The following STIM1 variants were observed in gnomAD, a reference collection of about 807,000 sequenced individuals.
STIM1 encodes stromal interaction molecule 1.
Under a neutral mutation model 74.7 loss-of-function variants are expected in STIM1, and 25 were observed. The ratio of observed to expected loss-of-function variants is 0.33; its 90% CI spans 0.24 to 0.47. The LOEUF (loss-of-function observed/expected upper bound fraction) is 0.47, where lower values mean the gene tolerates loss of function less well. STIM1 is among the 20% of genes least tolerant of loss of function. STIM1 has a pLI of 1.00. For synonymous variants in STIM1, 328 were observed against 348.8 expected, an observed-to-expected ratio of 0.94 and a Z score of 0.66; for missense variants, 728 against 920.8, an observed-to-expected ratio of 0.79 and a Z score of 2.71.
intron 1 of STIM1, among the ~76,000 whole-genome samples, chr11:3,865,427 C>T (rs1442373408): frequency 6.6e-6 from 1 of 152,202 alleles, no homozygotes; most frequent in Non-Finnish European, 1.5e-5. Context: ...AACCAGGAAG[C>T]AGTTCACAAT....
At chr11:3,900,042 A>G (rs923919843) in intron 1 of STIM1, among the ~76,000 whole-genome samples, 4 of 152,274 alleles carry the variant, frequency 2.6e-5, no homozygotes, top group South Asian at 2.1e-4. Context: ...AAATTGAGTT[A>G]GGGAGGATTC....
intron 1 of STIM1, among the ~76,000 whole-genome samples, chr11:3,953,783 TC>T (rs141422987): frequency 0.068 from 9,698 of 143,474 alleles, 744 homozygotes; most frequent in African/African-American, 0.15. Flanking sequence ...TCTTCTTCTT[TC>T]TTTTTTTTTT....
At chr11:3,874,347 G>A (rs2091240484) in intron 1 of STIM1, among the ~76,000 whole-genome samples, 2 of 152,156 alleles carry the variant, frequency 1.3e-5, no homozygotes, top group South Asian at 4.1e-4. Context: ...AAAGGGATAA[G>A]GAAAAGATAT....
intron 3 of STIM1, among the ~76,000 whole-genome samples, chr11:4,052,889 C>T (rs1178112105): frequency 6.6e-6 from 1 of 151,960 alleles, no homozygotes; most frequent in Non-Finnish European, 1.5e-5. Context: ...AACAAAGTTA[C>T]AAGAAAAAAC....
intron 3 of STIM1, among the ~76,000 whole-genome samples, chr11:4,040,270 A>G (rs1490750332): frequency 6.6e-6 from 1 of 152,230 alleles, no homozygotes; most frequent in Non-Finnish European, 1.5e-5. Context: ...TACAAGGTCC[A>G]TGCTTATTTC....
At chr11:3,911,016 C>CGT (rs2092554153) in intron 1 of STIM1, among the ~76,000 whole-genome samples, 1 of 152,060 alleles carries the variant, frequency 6.6e-6, no homozygotes, top group South Asian at 2.1e-4. Context: ...TGAAAACAAA[C>CGT]TAACAAATCT....
chr11:4,079,088 G>A (rs2094451607), intron 7 of STIM1, among the ~76,000 whole-genome samples: 1 of 151,374 alleles, frequency 6.6e-6, no homozygotes, highest in African/African-American at 2.4e-5. Context: ...TCAGGAGATC[G>A]AGATCATCCT....
At chr11:3,967,402 C>T in intron 1 of STIM1, 150 bp from the exon 2 acceptor site, 2 of 1,117,070 alleles carry the variant, frequency 1.8e-6, no homozygotes, top group South Asian at 1.3e-5. Context: ...CAGTTACAGT[C>T]TAGATGAAAC....
At chr11:3,972,993 G>T in intron 2 of STIM1, 1 of 509,352 alleles carries the variant, frequency 2.0e-6, no homozygotes, top group Non-Finnish European at 3.9e-6. Flanking sequence ...TGCTTTCACT[G>T]CCACCAACAA....
At chr11:3,871,923 T>C (rs1263195090) in intron 1 of STIM1, among the ~76,000 whole-genome samples, 2 of 152,246 alleles carry the variant, frequency 1.3e-5, no homozygotes. Flanking sequence ...TTGAGTAATT[T>C]ATCATTACTG....
At chr11:4,004,995 C>G (rs1177904425) in intron 2 of STIM1, among the ~76,000 whole-genome samples, 12 of 152,222 alleles carry the variant, frequency 7.9e-5, no homozygotes, top group Non-Finnish European at 1.8e-4. Flanking sequence ...CTCATCATCA[C>G]TGGTCATCAG....
At chr11:4,027,724 G>C (rs752588878) in intron 3 of STIM1, among the ~76,000 whole-genome samples, 1 of 152,130 alleles carries the variant, frequency 6.6e-6, no homozygotes, top group South Asian at 2.1e-4. Flanking sequence ...TCAGATTGGC[G>C]TAGTGTGGAT....
intron 1 of STIM1, among the ~76,000 whole-genome samples, chr11:3,900,342 C>T (rs2092315534): frequency 6.6e-6 from 1 of 152,178 alleles, no homozygotes; most frequent in Non-Finnish European, 1.5e-5. Flanking sequence ...TCTGTCGTCC[C>T]TTTCTTTGAC....
At chr11:4,018,112 C>A (rs1402066210) in intron 2 of STIM1, among the ~76,000 whole-genome samples, 1 of 151,902 alleles carries the variant, frequency 6.6e-6, no homozygotes, top group Non-Finnish European at 1.5e-5. Context: ...GTCTGGAGTT[C>A]AAGACCAGCC....
chr11:4,045,661 A>T (rs1473415152), intron 3 of STIM1, among the ~76,000 whole-genome samples: 1 of 151,600 alleles, frequency 6.6e-6, no homozygotes, highest in Non-Finnish European at 1.5e-5. Flanking sequence ...CATATTTCCC[A>T]GGTTGGCCTT....
intron 2 of STIM1, among the ~76,000 whole-genome samples, chr11:4,023,268 G>A (rs887439474): frequency 1.3e-5 from 2 of 152,160 alleles, no homozygotes; most frequent in African/African-American, 4.8e-5. Flanking sequence ...GGTGGAGGTT[G>A]CAGTGAGCTG....
In STIM1 at chr11:4,014,233, G is replaced by T. The variant is rs554355900; in HGVS notation, c.271-9640G>T. ...CACACTGTTTTAAATGTGTCCCAGA[G>T]ATTCTGGTATGTTGTGTCTTTGTTC... On this transcript the variant is annotated intron_variant, in intron 2 of 12. Coordinates refer to ENST00000526596, the MANE Select transcript of STIM1 (RefSeq NM_001382567.1). Among the ~76,000 whole-genome samples the T allele has an allele frequency of 2.6e-5, 4 of 152,302 alleles. No homozygotes were observed. In the South Asian group the frequency reaches 8.3e-4, roughly 32 times the overall value.
At chr11:3,892,418 G>A (rs1045409070) in intron 1 of STIM1, 8 of 1,448,566 alleles carry the variant, frequency 5.5e-6, no homozygotes, top group Non-Finnish European at 6.8e-6. Context: ...GTCAGCAGTG[G>A]TGATCTTCTT....
At chr11:4,086,596 C>T (rs761028602) in intron 12 of STIM1, 53 bp downstream of exon 12, 29 of 1,609,922 alleles carry the variant, frequency 1.8e-5, no homozygotes, top group East Asian at 4.5e-5. Context: ...ATCTCTGCGG[C>T]GAATGCGCAG....
Sources: allele counts gnomAD v4.1 joint callset (sites outside exome capture counted in the v4.1 genomes callset), GRCh38; gene constraint gnomAD v4.1.1; transcripts MANE v1.5; gene names NCBI Gene and HGNC (gene_info 2026-07-23, HGNC 2026-07-21).